COPS4: variants seen among roughly 807,000 people sequenced by gnomAD.
COPS4 encodes COP9 signalosome subunit 4.
Under a neutral mutation model 55.1 loss-of-function variants are expected in COPS4, and 8 were observed. The ratio of observed to expected loss-of-function variants is 0.15; its 90% CI spans 0.09 to 0.26. The LOEUF (loss-of-function observed/expected upper bound fraction) is 0.26, where lower values mean the gene tolerates loss of function less well. COPS4 is among the 10% of genes least tolerant of loss of function. The pLI, the probability that COPS4 is intolerant of heterozygous loss-of-function variation, is 1.00. For missense variants in COPS4, 248 were observed against 484.0 expected (o/e 0.51, Z 4.58); for synonymous variants, 185 against 165.7 (o/e 1.12, Z -0.90).
At chr4:83,058,694 T>C (rs1196334685) in intron 6 of COPS4, among the ~76,000 whole-genome samples, 1 of 152,258 alleles carries the variant, frequency 6.6e-6, no homozygotes, top group Non-Finnish European at 1.5e-5. Context: ...TTATTGTAAC[T>C]GTATACATCA....
At chr4:83,051,247 A>T (rs182815778) in intron 4 of COPS4, among the ~76,000 whole-genome samples, 8 of 151,582 alleles carry the variant, frequency 5.3e-5, no homozygotes, top group South Asian at 2.1e-4. Context: ...CTACAAAAAA[A>T]TTTTTTTTTG....
At chr4:83,052,728 A>G (rs1195396705) in intron 4 of COPS4, among the ~76,000 whole-genome samples, 2 of 152,128 alleles carry the variant, frequency 1.3e-5, no homozygotes, top group Non-Finnish European at 2.9e-5. Context: ...TTGGGACTAC[A>G]GGTGCACACC....
intron 8 of COPS4, among the ~76,000 whole-genome samples, chr4:83,067,273 G>A (rs184497315): frequency 1.3e-5 from 2 of 151,774 alleles, no homozygotes; most frequent in Non-Finnish European, 2.9e-5. Context: ...ACGGACTGTA[G>A]CTCTGTTGCC....
chr4:83,057,368 C>T lies in COPS4; in HGVS notation c.675C>T (p.Ala225=). Residue 225 remains alanine (A), a synonymous_variant, in exon 6 of 10, where the codon GCC becomes GCT. Coordinates refer to ENST00000264389, the MANE Select transcript of COPS4 (RefSeq NM_016129.3). ...TCCACGAAAGTGAAAGACTAGAGGC[C>T]TTAAAACATGCTTTGCACTGTACGA... ...TIVHESERLE[A]LKHALHCTIL... 1 of 1,612,896 alleles carries T rather than the reference C, an allele frequency of 6.2e-7. No individual in the cohort carries two copies.
intron 7 of COPS4, chr4:83,065,004 C>G (rs1228422441): frequency 1.6e-6 from 1 of 632,536 alleles, no homozygotes; most frequent in African/African-American, 1.9e-5. Flanking sequence ...CCTCCACCTC[C>G]CCAGAAGCTT....
chr4:83,055,932 CTTTTT>C (rs57000074), intron 4 of COPS4, among the ~76,000 whole-genome samples: 1 of 100,576 alleles, frequency 9.9e-6, no homozygotes, highest in African/African-American at 3.8e-5. Flanking sequence ...TTTTCTTTTT[CTTTTT>C]TTTTTTTTTG....
intron 1 of COPS4, among the ~76,000 whole-genome samples, chr4:83,043,953 G>A (rs1474004066): frequency 6.6e-6 from 1 of 152,110 alleles, no homozygotes; most frequent in Non-Finnish European, 1.5e-5. Context: ...GATAACCAAG[G>A]TTGTGAGAAT....
intron 1 of COPS4, among the ~76,000 whole-genome samples, chr4:83,043,536 A>AC (rs1292455112): frequency 8.0e-5 from 12 of 150,210 alleles, no homozygotes; most frequent in African/African-American, 2.7e-4. Flanking sequence ...AAAAAAAAAA[A>AC]AAAAAAAAAA....
chr4:83,041,057 T>G (rs576370939), intron 1 of COPS4, among the ~76,000 whole-genome samples: 73 of 151,486 alleles, frequency 4.8e-4, no homozygotes, highest in African/African-American at 1.3e-3. Context: ...AGTTTTTTTT[T>G]TTTGTTTTTT....
intron 7 of COPS4, chr4:83,065,301 T>G (rs1486329716): frequency 2.4e-6 from 1 of 408,348 alleles, no homozygotes; most frequent in Non-Finnish European, 4.3e-6. Flanking sequence ...GTGATCATTA[T>G]CAGCATTTTG....
intron 9 of COPS4, among the ~76,000 whole-genome samples, chr4:83,070,091 C>T (rs1731384403): frequency 6.6e-6 from 1 of 150,596 alleles, no homozygotes; most frequent in African/African-American, 2.4e-5. Context: ...AACCTTCACC[C>T]CACCACCACA....
chr4:83,052,703 T>C (rs1238428675), intron 4 of COPS4, among the ~76,000 whole-genome samples: 1 of 152,082 alleles, frequency 6.6e-6, no homozygotes, highest in Non-Finnish European at 1.5e-5. Context: ...GTCCGTCTCC[T>C]AGCATCCCAA....
At chr4:83,059,944 G>T (rs573746690) in intron 6 of COPS4, among the ~76,000 whole-genome samples, 2 of 151,858 alleles carry the variant, frequency 1.3e-5, no homozygotes, top group African/African-American at 4.8e-5. Flanking sequence ...CTTGTGATCC[G>T]CCCTCCTCCG....
chr4:83,044,187 G>A (rs1305394078), intron 1 of COPS4, among the ~76,000 whole-genome samples: 4 of 152,206 alleles, frequency 2.6e-5, no homozygotes, highest in African/African-American at 9.6e-5. Flanking sequence ...GCTCACGCCT[G>A]TAATCCCAGC....
intron 2 of COPS4, among the ~76,000 whole-genome samples, 169 bp downstream of exon 2, chr4:83,045,874 C>T (rs1304452076): frequency 6.6e-6 from 1 of 152,094 alleles, no homozygotes; most frequent in Non-Finnish European, 1.5e-5. Context: ...GAATTATCTT[C>T]AGAATTACAA....
At chr4:83,040,418 T>G (rs1730530518) in intron 1 of COPS4, among the ~76,000 whole-genome samples, 1 of 152,184 alleles carries the variant, frequency 6.6e-6, no homozygotes, top group Non-Finnish European at 1.5e-5. Context: ...TTCAGAATTT[T>G]TTTGGTTTAC....
intron 6 of COPS4, among the ~76,000 whole-genome samples, chr4:83,058,541 T>C (rs906561408): frequency 1.3e-5 from 2 of 152,172 alleles, no homozygotes; most frequent in African/African-American, 4.8e-5. Context: ...TATAGACTAG[T>C]TATCTTATTT....
At chr4:83,068,612 CAG>C (rs878990996) in intron 9 of COPS4, 90 bp downstream of exon 9, 2 of 767,196 alleles carry the variant, frequency 2.6e-6, no homozygotes, top group Admixed American at 4.6e-5. Flanking sequence ...TCCTTTGACT[CAG>C]AATCTTACTA....
At chr4:83,059,983 G>A (rs1269786532) in intron 6 of COPS4, among the ~76,000 whole-genome samples, 1 of 152,052 alleles carries the variant, frequency 6.6e-6, no homozygotes, top group African/African-American at 2.4e-5. Context: ...TTACAGGTGT[G>A]AGCCACCGCA....
Sources: gnomAD v4.1 joint callset for allele counts (sites outside exome capture counted in the v4.1 genomes callset) on GRCh38, gnomAD v4.1.1 for gene constraint, MANE v1.5 for transcripts, NCBI Gene and HGNC (gene_info 2026-07-23, HGNC 2026-07-21) for gene names.